Variants in MAST4 observed in about 807,000 individuals in gnomAD.
The protein encoded by MAST4 is microtubule associated serine/threonine kinase family member 4.
A neutral mutation model predicts 162.7 loss-of-function variants in MAST4; 89 were observed. The ratio of observed to expected loss-of-function variants is 0.55; its 90% CI spans 0.46 to 0.65. The LOEUF (loss-of-function observed/expected upper bound fraction) is 0.65. Among genes scored for constraint, MAST4 ranks in the 30% least tolerant of loss-of-function variants. The pLI is 0.00. For missense variants in MAST4, 3,153 were observed against 3,374.0 expected (o/e 0.93, Z 1.62); for synonymous variants, 1,479 against 1,361.1 (o/e 1.09, Z -1.91).
intron 1 of MAST4, among the ~76,000 whole-genome samples, chr5:66,663,173 A>G (rs1263905663): frequency 6.6e-6 from 1 of 152,070 alleles, no homozygotes; most frequent in African/African-American, 2.4e-5. Context: ...TCAGGATTGT[A>G]TATTTGTGCT....
At chr5:67,080,037 G>A (rs767680269) in intron 5 of MAST4, among the ~76,000 whole-genome samples, 4 of 152,178 alleles carry the variant, frequency 2.6e-5, no homozygotes, top group African/African-American at 7.2e-5. Context: ...CTGACCTGAC[G>A]TACAAAATAA....
chr5:66,985,421 G>A (rs1561505305), intron 4 of MAST4, among the ~76,000 whole-genome samples: 1 of 152,120 alleles, frequency 6.6e-6, no homozygotes, highest in Non-Finnish European at 1.5e-5. Flanking sequence ...GCAGCTTGAG[G>A]GGCCCTAGAT....
intron 1 of MAST4, among the ~76,000 whole-genome samples, chr5:66,698,895 C>A (rs1046268549): frequency 6.6e-6 from 1 of 152,206 alleles, no homozygotes; most frequent in Non-Finnish European, 1.5e-5. Context: ...CTGTGGGACA[C>A]CCCCGTTCTC....
At chr5:66,767,821 G>T (rs1305547490) in intron 2 of MAST4, among the ~76,000 whole-genome samples, 1 of 152,122 alleles carries the variant, frequency 6.6e-6, no homozygotes, top group Non-Finnish European at 1.5e-5. Flanking sequence ...GGCCAGTCTT[G>T]TCTTTTAATG....
At chr5:66,917,186 T>C in intron 4 of MAST4, 1 of 536,702 alleles carries the variant, frequency 1.9e-6, no homozygotes, top group South Asian at 3.1e-5. Context: ...TTGCATTTCC[T>C]TCACTACCAC....
chr5:67,065,143 G>A (rs1200395192), intron 5 of MAST4, among the ~76,000 whole-genome samples: 1 of 152,030 alleles, frequency 6.6e-6, no homozygotes, highest in African/African-American at 2.4e-5. Flanking sequence ...TCATCTGCTA[G>A]TTGAAAATGA....
In MAST4 at chr5:67,049,040, T is replaced by C. The variant is rs201172762; in HGVS notation, c.675-5364T>C. Among the ~76,000 whole-genome samples the C allele has an allele frequency of 2.9e-3, 282 of 96,354 alleles. 1 individual carries two copies. Among genetic ancestry groups the C allele is most frequent in the East Asian group, 9.7e-3 (43 of 4,434 alleles). The allele number at this position is 96,354 out of a possible 152,430, so 63.2% of individuals were successfully genotyped here. On this transcript the variant is annotated intron_variant, in intron 4 of 28. Coordinates refer to ENST00000403625, the MANE Select transcript of MAST4 (RefSeq NM_001164664.2). ...ATATATACGTATATATATATATATA[T>C]ACGTGTATATATATATATACGTATA...
At chr5:67,102,797 A>G (rs867421368) in intron 9 of MAST4, among the ~76,000 whole-genome samples, 186 bp downstream of exon 9, 1 of 152,202 alleles carries the variant, frequency 6.6e-6, no homozygotes. Flanking sequence ...AACTGCTGAG[A>G]ACTAGCTGTG....
chr5:66,931,256 T>C (rs1368316230), intron 4 of MAST4, among the ~76,000 whole-genome samples: 1 of 152,208 alleles, frequency 6.6e-6, no homozygotes, highest in East Asian at 1.9e-4. Context: ...TTTATCCTTA[T>C]TTTTATGGAG....
At chr5:67,054,533 A>G in intron 5 of MAST4, 41 bp downstream of exon 5, 2 of 1,517,706 alleles carry the variant, frequency 1.3e-6, no homozygotes, top group Non-Finnish European at 8.9e-7. Context: ...TTATTTCTTT[A>G]TTTGTTGGTT....
rs981012717 is a variant in MAST4 at position 67,089,105 on chromosome 5, T to C, written c.764-1057T>C. 3.3e-5 allele frequency among the ~76,000 whole-genome samples: 5 copies of C among 152,352 alleles called. No homozygotes were observed. The East Asian group carries it at 7.7e-4, about 23-fold the overall frequency. On this transcript the variant is annotated intron_variant, in intron 5 of 28. Transcript: ENST00000403625. Reference sequence around the variant, plus strand: ...AGTAATGTGGCAATTGGCTTGCCCTTAGGGATTAAACATAGCTTCCTGATT... The same window carrying C: ...AGTAATGTGGCAATTGGCTTGCCCTCAGGGATTAAACATAGCTTCCTGATT...
chr5:67,045,929 C>A (rs1327164644), intron 4 of MAST4, among the ~76,000 whole-genome samples: 1 of 152,144 alleles, frequency 6.6e-6, no homozygotes. Context: ...GTCCCCCAGG[C>A]AAGGTGGGGA....
intron 4 of MAST4, among the ~76,000 whole-genome samples, chr5:66,921,856 T>C (rs1764562691): frequency 6.6e-6 from 1 of 152,238 alleles, no homozygotes; most frequent in Non-Finnish European, 1.5e-5. Flanking sequence ...AAAATGTAAC[T>C]TCATGTAACG....
chr5:66,633,713 C>G (rs184267485), intron 1 of MAST4, among the ~76,000 whole-genome samples: 458 of 152,336 alleles, frequency 3.0e-3, no homozygotes, highest in Non-Finnish European at 4.8e-3. Flanking sequence ...TGTTTTCCAA[C>G]TAGGTTACCC....
intron 23 of MAST4, among the ~76,000 whole-genome samples, chr5:67,145,765 A>G (rs1225396202): frequency 1.3e-5 from 2 of 152,224 alleles, no homozygotes. Context: ...AAGAGCCAGT[A>G]TCAAGTAGTC....
chr5:66,849,559 C>A (rs781375199), intron 3 of MAST4, among the ~76,000 whole-genome samples: 3 of 152,118 alleles, frequency 2.0e-5, no homozygotes, highest in Admixed American at 6.5e-5. Context: ...GAGAAGTAAG[C>A]CAGGGTAAGG....
intron 12 of MAST4, among the ~76,000 whole-genome samples, chr5:67,116,879 G>A (rs1170225147): frequency 2.0e-5 from 3 of 152,070 alleles, no homozygotes; most frequent in African/African-American, 7.2e-5. Flanking sequence ...TTTCTTGTCA[G>A]CGTCTAAACT....
intron 2 of MAST4, among the ~76,000 whole-genome samples, chr5:66,778,696 T>A (rs778477533): frequency 5.1e-4 from 78 of 152,312 alleles, no homozygotes; most frequent in Admixed American, 9.8e-4. Context: ...TGGCTATCTA[T>A]GATTGAGGGT....
At chr5:66,709,954 T>C (rs73110474) in intron 1 of MAST4, among the ~76,000 whole-genome samples, 2,803 of 152,298 alleles carry the variant, frequency 0.018, 84 homozygotes, top group African/African-American at 0.062. Context: ...CTGTCTCCTT[T>C]TCCAGCCAGT....
Sources: gnomAD v4.1 joint callset for allele counts (sites outside exome capture counted in the v4.1 genomes callset) on GRCh38, gnomAD v4.1.1 for gene constraint, MANE v1.5 for transcripts, NCBI Gene and HGNC (gene_info 2026-07-23, HGNC 2026-07-21) for gene names.